The following ITPRID1 variants were observed in gnomAD, a reference collection of about 807,000 sequenced individuals.
The protein encoded by ITPRID1 is protein ITPRID1.
Under a neutral mutation model 95.4 loss-of-function variants are expected in ITPRID1, and 96 were observed. The ratio of observed to expected loss-of-function variants is 1.01; its 90% CI spans 0.85 to 1.19. ITPRID1 has a LOEUF of 1.19. Ranked by LOEUF, ITPRID1 falls within the 50% of genes most tolerant of loss-of-function variation. ITPRID1 has a pLI of 0.00. For synonymous variants in ITPRID1, 510 were observed against 453.6 expected (o/e 1.12, Z -1.58); for missense variants, 1,339 against 1,252.9 (o/e 1.07, Z -1.04).
chr7:31,521,332 T>G (rs540080865), intron 1 of ITPRID1, among the ~76,000 whole-genome samples: 33 of 152,344 alleles, frequency 2.2e-4, no homozygotes, highest in Non-Finnish European at 3.2e-4. Context: ...TAAACACATG[T>G]TATTTAGTAG....
intron 10 of ITPRID1, among the ~76,000 whole-genome samples, chr7:31,622,318 C>T (rs1282808822): frequency 6.6e-6 from 1 of 151,826 alleles, no homozygotes; most frequent in Non-Finnish European, 1.5e-5. Context: ...TTTTCAGCAC[C>T]ACACCACACC....
intron 10 of ITPRID1, among the ~76,000 whole-genome samples, chr7:31,623,959 C>T (rs1170426511): frequency 1.3e-5 from 2 of 149,548 alleles, no homozygotes; most frequent in Non-Finnish European, 3.0e-5. Flanking sequence ...AAATCACAAG[C>T]ATTCTTATAC....
At chr7:31,591,351 C>T (rs957249292) in intron 10 of ITPRID1, among the ~76,000 whole-genome samples, 29 of 152,174 alleles carry the variant, frequency 1.9e-4, no homozygotes, top group African/African-American at 6.5e-4. Context: ...GATGAAACTA[C>T]TGGCCCGGCT....
intron 13 of ITPRID1, 43 bp downstream of exon 13, chr7:31,651,312 C>A (rs370704264): frequency 6.3e-7 from 1 of 1,597,622 alleles, no homozygotes. Context: ...CCAGCCCACA[C>A]ACCTGGAGCA....
rs768559066 is a variant in ITPRID1, at chr7:31,530,598, ACAATT to A, written c.-98+16487_-98+16491del. On this transcript the variant is annotated intron_variant, in intron 1 of 14. Coordinates refer to ENST00000615280, the MANE Select transcript of ITPRID1 (RefSeq NM_001257967.3). ...TTGCCTTTTATTTCTATTTGCTAAG[ACAATT>A]CAATTCAAAGATGAAAATTGAAGAT... Among the ~76,000 whole-genome samples, 13 of 152,204 alleles carry A rather than the reference ACAATT, an allele frequency of 8.5e-5. 1 individual carries two copies. Among genetic ancestry groups the A allele is most frequent in the Non-Finnish European group, 1.8e-4 (12 of 68,036 alleles).
intron 10 of ITPRID1, among the ~76,000 whole-genome samples, chr7:31,634,700 T>C (rs1789321074): frequency 1.3e-5 from 2 of 151,980 alleles, no homozygotes; most frequent in African/African-American, 4.8e-5. Context: ...ATGAAAAAAA[T>C]TGTGCAGGGC....
chr7:31,593,861 C>T (rs978367832), intron 10 of ITPRID1, among the ~76,000 whole-genome samples: 1 of 152,058 alleles, frequency 6.6e-6, no homozygotes, highest in African/African-American at 2.4e-5. Context: ...GCTATTCAGT[C>T]ATTATTTTTT....
intron 10 of ITPRID1, among the ~76,000 whole-genome samples, chr7:31,587,976 G>A (rs908972611): frequency 6.6e-6 from 1 of 152,236 alleles, no homozygotes; most frequent in Non-Finnish European, 1.5e-5. Flanking sequence ...TTACACCTTA[G>A]ACAAATCTTT....
intron 13 of ITPRID1, among the ~76,000 whole-genome samples, 172 bp from the exon 14 acceptor site, chr7:31,651,767 G>T (rs1378146507): frequency 2.7e-5 from 4 of 147,762 alleles, no homozygotes; most frequent in African/African-American, 5.0e-5. Flanking sequence ...CAATAAAGTT[G>T]TTTTTTTTTT....
chr7:31,528,440 G>A (rs1783491739), intron 1 of ITPRID1, among the ~76,000 whole-genome samples: 1 of 152,128 alleles, frequency 6.6e-6, no homozygotes, highest in South Asian at 2.1e-4. Flanking sequence ...ACATCCTGGT[G>A]GATGCTGAGA....
chr7:31,564,937 C>T (rs1784745790), intron 5 of ITPRID1, among the ~76,000 whole-genome samples: 1 of 152,198 alleles, frequency 6.6e-6, no homozygotes, highest in Non-Finnish European at 1.5e-5. Context: ...GCTTGCACTT[C>T]TCCATTCAAG....
intron 3 of ITPRID1, among the ~76,000 whole-genome samples, chr7:31,553,550 AG>A (rs1784354087): frequency 6.6e-6 from 1 of 152,204 alleles, no homozygotes; most frequent in African/African-American, 2.4e-5. Context: ...TGGATCCTGC[AG>A]GAGGCATTGA....
intron 1 of ITPRID1, chr7:31,529,720 G>A: frequency 6.7e-7 from 1 of 1,488,586 alleles, no homozygotes; most frequent in East Asian, 2.5e-5. Context: ...TTAGCTGCTG[G>A]AACATTCAAG....
chr7:31,588,147 T>A (rs1312721685), intron 10 of ITPRID1, among the ~76,000 whole-genome samples: 3 of 152,150 alleles, frequency 2.0e-5, no homozygotes, highest in African/African-American at 7.2e-5. Flanking sequence ...AGAATAATCA[T>A]AAACTCTGGA....
intron 13 of ITPRID1, among the ~76,000 whole-genome samples, chr7:31,651,585 A>C (rs1291019788): frequency 6.6e-6 from 1 of 152,116 alleles, no homozygotes; most frequent in Non-Finnish European, 1.5e-5. Flanking sequence ...GAAAATCTGC[A>C]TTGGGGCTGG....
At chr7:31,646,577 C>G (rs1562655249) in intron 12 of ITPRID1, among the ~76,000 whole-genome samples, 1 of 152,192 alleles carries the variant, frequency 6.6e-6, no homozygotes, top group Non-Finnish European at 1.5e-5. Context: ...TGGACCCGAG[C>G]TCTTCTTATT....
At chr7:31,606,438 A>G (rs1212730098) in intron 10 of ITPRID1, among the ~76,000 whole-genome samples, 2 of 133,960 alleles carry the variant, frequency 1.5e-5, no homozygotes, top group African/African-American at 5.6e-5. Context: ...CTTCATAGTG[A>G]AGTGACACAG....
chr7:31,607,728 A>C (rs1006987887), intron 10 of ITPRID1, among the ~76,000 whole-genome samples: 1 of 63,934 alleles, frequency 1.6e-5, no homozygotes, highest in African/African-American at 5.2e-5. Flanking sequence ...TTTAAGCACA[A>C]ATTTTCTTTT....
At chr7:31,589,260 G>A (rs1029988635) in intron 10 of ITPRID1, among the ~76,000 whole-genome samples, 7 of 151,986 alleles carry the variant, frequency 4.6e-5, no homozygotes, top group African/African-American at 9.7e-5. Context: ...ATCTATAGAC[G>A]TTATCCAACA....
Sources: gnomAD v4.1 joint callset for allele counts (sites outside exome capture counted in the v4.1 genomes callset) on GRCh38, gnomAD v4.1.1 for gene constraint, MANE v1.5 for transcripts, NCBI Gene and HGNC (gene_info 2026-07-23, HGNC 2026-07-21) for gene names.